Variants in GLIS3 observed in about 807,000 individuals in gnomAD.
The protein encoded by GLIS3 is GLIS family zinc finger 3, also known as zinc finger protein GLIS3.
In GLIS3, 53 loss-of-function variants were observed where a neutral mutation model predicts 78.6. The ratio of observed to expected loss-of-function variants is 0.67; its 90% CI spans 0.54 to 0.85. GLIS3 has a LOEUF of 0.85. GLIS3 is among the 40% of genes least tolerant of loss of function. The pLI, the probability that GLIS3 is intolerant of heterozygous loss-of-function variation, is 0.00. For synonymous variants in GLIS3, 684 were observed against 509.9 expected, an observed-to-expected ratio of 1.34 and a Z score of -4.60; for missense variants, 1,703 against 1,231.1, an observed-to-expected ratio of 1.38 and a Z score of -5.74.
At chr9:4,187,609 T>C (rs1241502927) in intron 2 of GLIS3, among the ~76,000 whole-genome samples, 1 of 152,260 alleles carries the variant, frequency 6.6e-6, no homozygotes, top group African/African-American at 2.4e-5. Flanking sequence ...TTCCCGATAT[T>C]GATTCTTCCT....
At chr9:4,257,716 G>T (rs1227821026) in intron 2 of GLIS3, among the ~76,000 whole-genome samples, 2 of 151,810 alleles carry the variant, frequency 1.3e-5, no homozygotes, top group African/African-American at 4.8e-5. Context: ...TGGGACTACA[G>T]GTGCCTGCCA....
chr9:3,923,598 A>G (rs1004060585), intron 6 of GLIS3, among the ~76,000 whole-genome samples: 7 of 148,570 alleles, frequency 4.7e-5, no homozygotes, highest in Non-Finnish European at 9.0e-5. Flanking sequence ...TTTTTTCTCT[A>G]TAGTACAAGG....
chr9:4,419,415 G>A, the GLIS3 span, among the ~76,000 whole-genome samples: 1 of 152,166 alleles, frequency 6.6e-6, no homozygotes, highest in Admixed American at 6.5e-5. Flanking sequence ...TTCTGGGGAG[G>A]CCTCAGGAAA....
intron 4 of GLIS3, among the ~76,000 whole-genome samples, chr9:3,971,896 C>T (rs1041073364): frequency 1.3e-5 from 2 of 152,110 alleles, no homozygotes. Context: ...GCACTGGAGG[C>T]AGTGCTGGGG....
At chr9:4,178,891 A>T (rs1817031475) in intron 2 of GLIS3, among the ~76,000 whole-genome samples, 1 of 152,220 alleles carries the variant, frequency 6.6e-6, no homozygotes, top group South Asian at 2.1e-4. Context: ...TTAATAAATT[A>T]AAAAATTTGA....
intron 2 of GLIS3, among the ~76,000 whole-genome samples, chr9:4,199,568 TA>T (rs796611550): frequency 0.015 from 2,203 of 144,780 alleles, 56 homozygotes; most frequent in African/African-American, 0.051. Flanking sequence ...AGGTAATACA[TA>T]AAAAAAAAAG....
chr9:4,256,804 G>T (rs55707434), intron 2 of GLIS3, among the ~76,000 whole-genome samples: 123,192 of 151,920 alleles, frequency 0.81, 50,458 homozygotes, highest in East Asian at 0.98. Flanking sequence ...CATCAAAAAA[G>T]TTAAGAGAAC....
intron 2 of GLIS3, among the ~76,000 whole-genome samples, chr9:4,282,310 C>G (rs80079263): frequency 0.09 from 13,673 of 152,232 alleles, 698 homozygotes; most frequent in African/African-American, 0.14. Context: ...TTAGGTCCAA[C>G]ACTACTCTGG....
upstream of GLIS3, among the ~76,000 whole-genome samples, chr9:4,302,920 A>G (rs1817128335): frequency 6.6e-6 from 1 of 152,182 alleles, no homozygotes; most frequent in African/African-American, 2.4e-5. Context: ...GAGAAGTGAT[A>G]AGCAAAGGAG....
At chr9:4,443,080 C>T in the GLIS3 span, among the ~76,000 whole-genome samples, 2 of 152,148 alleles carry the variant, frequency 1.3e-5, no homozygotes, top group African/African-American at 4.8e-5. Context: ...AGCAATTTCC[C>T]CATCCTTAAT....
chr9:4,139,459 G>A (rs866545690), intron 2 of GLIS3, among the ~76,000 whole-genome samples: 25 of 152,306 alleles, frequency 1.6e-4, no homozygotes, highest in Middle Eastern at 3.4e-3. Flanking sequence ...TGAGGTCCCT[G>A]GTGGACACAA....
chr9:4,150,935 A>T (rs1834628013), intron 2 of GLIS3: 1 of 152,182 alleles, frequency 6.6e-6, no homozygotes. Context: ...TAATGATGCA[A>T]ATACCTCTGA....
At chr9:4,408,726 CAAAAAAAAAAA>C in the GLIS3 span, among the ~76,000 whole-genome samples, 1 of 56,760 alleles carries the variant, frequency 1.8e-5, no homozygotes, top group African/African-American at 6.3e-5. Flanking sequence ...GACTCTGTCT[CAAAAAAAAAAA>C]AAAAAAAAAA....
At chr9:4,454,203 C>G in the GLIS3 span, among the ~76,000 whole-genome samples, 2 of 151,074 alleles carry the variant, frequency 1.3e-5, no homozygotes, top group Non-Finnish European at 2.9e-5. Context: ...CAGGGTATCC[C>G]TTTGTTGCCC....
rs146238548 is a variant in GLIS3 at position 4,118,434 on chromosome 9, G to A, written c.1044C>T (p.Tyr348=). ...PANLSPQPEV[Y]GHFLGVRGSC... is the part of the protein sequence containing the mutation. ...TGCCGCGCACGCCCAGGAAATGCCC[G>A]TAGACCTCCGGCTGCGGGGACAGGT... The change falls in exon 4 of 11, where the codon TAC becomes TAT. Residue 348 remains tyrosine (Y), a synonymous_variant. Transcript: ENST00000381971. This position sits in a 1 kb window ranked among gnomAD's most constrained non-coding sequence, Gnocchi z 4.7. 1.2e-3 allele frequency: 1,997 copies of A among 1,611,854 alleles called. 2 individuals are homozygous for A. The highest frequency in any genetic ancestry group is 1.5e-3 in the South Asian group (139 of 91,080).
At chr9:4,366,267 C>A in the GLIS3 span, among the ~76,000 whole-genome samples, 4 of 152,150 alleles carry the variant, frequency 2.6e-5, no homozygotes, top group Admixed American at 1.3e-4. Flanking sequence ...GATCATATAC[C>A]CAGCCAGAAT....
intron 2 of GLIS3, among the ~76,000 whole-genome samples, chr9:4,280,339 G>A (rs903541005): frequency 6.6e-6 from 1 of 152,136 alleles, no homozygotes; most frequent in Non-Finnish European, 1.5e-5. Context: ...ATTTTAAAAT[G>A]TAACTATATA....
chr9:4,461,643 G>C, the GLIS3 span, among the ~76,000 whole-genome samples: 9 of 152,142 alleles, frequency 5.9e-5, no homozygotes, highest in Middle Eastern at 3.2e-3. Context: ...CATGTGACTT[G>C]CTTTGGCCAA....
Position 3,901,552 on chromosome 9 carries a change from C to T in GLIS3, c.1984-2717G>A, listed in dbSNP as rs557261673. Among the ~76,000 whole-genome samples, 4 of 152,170 alleles carry T rather than the reference C, an allele frequency of 2.6e-5. No individual in the cohort carries two copies. In the South Asian group the frequency reaches 8.3e-4, roughly 32 times the overall value. On this transcript the variant is annotated intron_variant, in intron 6 of 10. Coordinates refer to ENST00000381971, the MANE Select transcript of GLIS3 (RefSeq NM_001042413.2). ...ACCAAATTCTGATCAGAAAGAAAGA[C>T]AAACACACACATACAACAGTAAGTT...
Sources: gnomAD v4.1 joint callset for allele counts (sites outside exome capture counted in the v4.1 genomes callset) on GRCh38, gnomAD v4.1.1 for gene constraint, Gnocchi (gnomAD v3.1) non-coding constraint, MANE v1.5 for transcripts, NCBI Gene and HGNC (gene_info 2026-07-23, HGNC 2026-07-21) for gene names.